The following GLDC variants were observed in gnomAD, a reference collection of about 807,000 sequenced individuals.
GLDC encodes glycine decarboxylase.
Under a neutral mutation model 121.3 loss-of-function variants are expected in GLDC, and 104 were observed. That is an observed-to-expected ratio of 0.86 (90% CI 0.73 to 1.01). The LOEUF is 1.01. Ranked by LOEUF, GLDC falls within the 50% of genes least tolerant of loss-of-function variation. The pLI, the probability that GLDC is intolerant of heterozygous loss-of-function variation, is 0.00. For missense variants in GLDC, 1,429 were observed against 1,306.6 expected (o/e 1.09, Z -1.44); for synonymous variants, 546 against 480.6 (o/e 1.14, Z -1.78).
intron 20 of GLDC, among the ~76,000 whole-genome samples, chr9:6,552,271 C>A (rs185635576): frequency 6.6e-6 from 1 of 152,240 alleles, no homozygotes; most frequent in East Asian, 1.9e-4. Flanking sequence ...AGCTGTTGTT[C>A]CAGGCATGTA....
intron 11 of GLDC, among the ~76,000 whole-genome samples, chr9:6,589,658 C>T (rs1818339337): frequency 6.6e-6 from 1 of 152,112 alleles, no homozygotes; most frequent in African/African-American, 2.4e-5. Context: ...AACTCCTGGG[C>T]TCAAGCAATC....
At chr9:6,556,806 G>A (rs1817642570) in intron 17 of GLDC, among the ~76,000 whole-genome samples, 1 of 145,108 alleles carries the variant, frequency 6.9e-6, no homozygotes, top group African/African-American at 2.6e-5. Context: ...AAAAAAAAAA[G>A]AAAAAAGAAA....
At chr9:6,575,211 A>C (rs1818039866) in intron 15 of GLDC, among the ~76,000 whole-genome samples, 1 of 150,318 alleles carries the variant, frequency 6.7e-6, no homozygotes, top group African/African-American at 2.5e-5. Context: ...ATCTCAAAAG[A>C]AGCAAAAAAA....
chr9:6,612,461 T>G (rs921109009), intron 3 of GLDC, among the ~76,000 whole-genome samples: 1 of 152,090 alleles, frequency 6.6e-6, no homozygotes, highest in Non-Finnish European at 1.5e-5. Context: ...AGGCTGGGCA[T>G]GGTGGCTCAC....
At chr9:6,618,470 G>T (rs1398978518) in intron 3 of GLDC, among the ~76,000 whole-genome samples, 1 of 152,056 alleles carries the variant, frequency 6.6e-6, no homozygotes, top group Non-Finnish European at 1.5e-5. Context: ...ACCACGCCCA[G>T]CTAATTTTGT....
At chr9:6,628,466 G>A (rs561110801) in intron 2 of GLDC, among the ~76,000 whole-genome samples, 13 of 152,342 alleles carry the variant, frequency 8.5e-5, no homozygotes, top group African/African-American at 2.6e-4. Flanking sequence ...GGGGGAAAGA[G>A]ACCAAATGAG....
intron 21 of GLDC, 194 bp from the exon 22 acceptor site, chr9:6,540,340 T>A (rs1384612693): frequency 6.7e-6 from 4 of 597,368 alleles, no homozygotes; most frequent in Non-Finnish European, 1.2e-5. Context: ...ATAAAAATGT[T>A]TAGCACACTG....
chr9:6,602,362 T>A (rs2129886230), intron 7 of GLDC, among the ~76,000 whole-genome samples, 157 bp from the exon 8 acceptor site: 1 of 152,166 alleles, frequency 6.6e-6, no homozygotes, highest in South Asian at 2.1e-4. Flanking sequence ...GTTCCTCATC[T>A]AAACATGATT....
At chr9:6,546,153 G>T (rs1022091622) in intron 21 of GLDC, among the ~76,000 whole-genome samples, 5 of 151,308 alleles carry the variant, frequency 3.3e-5, no homozygotes. Context: ...CTTTGTCTAG[G>T]CCTACAGATT....
intron 8 of GLDC, among the ~76,000 whole-genome samples, chr9:6,601,087 T>C (rs941650115): frequency 6.6e-6 from 1 of 152,050 alleles, no homozygotes; most frequent in Admixed American, 6.5e-5. Flanking sequence ...GCAGGAGAAT[T>C]GCTTGAAACC....
Position 6,617,448 on chromosome 9 carries a change from G to A in GLDC, c.470+2736C>T, listed in dbSNP as rs1013570174. Among the ~76,000 whole-genome samples the A allele has an allele frequency of 5.3e-5, 8 of 151,964 alleles. No homozygotes were observed. In the South Asian group the frequency reaches 6.2e-4, roughly 12 times the overall value. On this transcript the variant is annotated intron_variant, in intron 3 of 24. Transcript: ENST00000321612. ...TCAGATGGCTGGAATGCTGCAGCCC[G>A]TTCATGTACTTTTGAGGCTTTTCTT...
rs372136194 is a variant in GLDC at position 6,592,195 on chromosome 9, T to A, written c.1430A>T (p.Asn477Ile). Residue 477 changes from asparagine (N) to isoleucine (I), a missense_variant, in exon 11 of 25, where the codon AAT becomes ATT. Coordinates refer to ENST00000321612, the MANE Select transcript of GLDC (RefSeq NM_000170.3). ...TLGISLDETVNEKDLDDLLWI... is the reference protein window; with the variant it reads ...TLGISLDETVIEKDLDDLLWI... Reference sequence around the variant, plus strand: ...CAACAAATCGTCCAGATCTTTTTCATTGACTGTTTCATCAAGAGAAATACC... The same window carrying A: ...CAACAAATCGTCCAGATCTTTTTCAATGACTGTTTCATCAAGAGAAATACC... The A allele has an allele frequency of 1.2e-6, 2 of 1,607,254 alleles. No individual in the cohort carries two copies. The highest frequency in any genetic ancestry group is 1.7e-6 in the Non-Finnish European group (2 of 1,174,106).
chr9:6,574,858 G>C (rs1440522465), intron 15 of GLDC, among the ~76,000 whole-genome samples: 2 of 152,082 alleles, frequency 1.3e-5, no homozygotes, highest in Admixed American at 6.6e-5. Flanking sequence ...CATGAGCTCA[G>C]GAAGGGAGGG....
chr9:6,587,368 G>C, intron 14 of GLDC, 85 bp from the exon 15 acceptor site: 1 of 1,031,506 alleles, frequency 9.7e-7, no homozygotes, highest in East Asian at 2.6e-5. Flanking sequence ...ACGATGATGA[G>C]AAAAGCTATG....
At chr9:6,599,720 C>CAAAAAAAAAAAAAAAAAAA (rs549444099) in intron 8 of GLDC, among the ~76,000 whole-genome samples, 4 of 120,768 alleles carry the variant, frequency 3.3e-5, no homozygotes, top group African/African-American at 1.3e-4. Context: ...GACTCCATCT[C>CAAAAAAAAAAAAAAAAAAA]AAAAAAAAAA....
chr9:6,633,526 C>A (rs1047052813), intron 2 of GLDC, among the ~76,000 whole-genome samples: 1 of 152,166 alleles, frequency 6.6e-6, no homozygotes, highest in Non-Finnish European at 1.5e-5. Context: ...TCTCCCTGTT[C>A]CCCCTCTGTT....
chr9:6,638,612 C>CGTA lies in GLDC; in HGVS notation c.334+6001_334+6002insTAC, dbSNP rs571735625. ...ATTTCTGAACGCTCATGACATTTTA[C>CGTA]CCACAGCTTTCATGGCACCTAGAAC... On this transcript the variant is annotated intron_variant, in intron 2 of 24. Coordinates refer to ENST00000321612, the MANE Select transcript of GLDC (RefSeq NM_000170.3). 1.9e-3 allele frequency among the ~76,000 whole-genome samples: 292 copies of CGTA among 152,228 alleles called. 1 individual carries two copies. Among genetic ancestry groups the CGTA allele is most frequent in the Middle Eastern group, 3.4e-3 (1 of 294 alleles).
intron 10 of GLDC, 59 bp from the exon 11 acceptor site, chr9:6,592,282 A>C: frequency 9.5e-7 from 1 of 1,049,296 alleles, no homozygotes; most frequent in Non-Finnish European, 1.5e-6. Context: ...CACTGGAGGA[A>C]TCCCAAGAGA....
At chr9:6,535,936 A>G (rs1817117225) in intron 23 of GLDC, 128 bp downstream of exon 23, 2 of 847,028 alleles carry the variant, frequency 2.4e-6, no homozygotes, top group East Asian at 2.5e-5. Context: ...GCATCTTCTC[A>G]GAAGAATTAC....
Sources: gnomAD v4.1 joint callset for allele counts (sites outside exome capture counted in the v4.1 genomes callset) on GRCh38, gnomAD v4.1.1 for gene constraint, MANE v1.5 for transcripts, NCBI Gene and HGNC (gene_info 2026-07-23, HGNC 2026-07-21) for gene names.